RTTN: variants seen among roughly 807,000 people sequenced by gnomAD.
RTTN encodes the protein rotatin.
Under a neutral mutation model 269.2 loss-of-function variants are expected in RTTN, and 182 were observed. The ratio of observed to expected loss-of-function variants is 0.68; its 90% CI spans 0.60 to 0.76. The LOEUF (loss-of-function observed/expected upper bound fraction) is 0.76. Ranked by LOEUF, RTTN falls within the 30% of genes least tolerant of loss-of-function variation. The pLI is 0.00. For missense variants in RTTN, 2,545 were observed against 2,608.6 expected (o/e 0.98, Z 0.53); for synonymous variants, 1,006 against 963.5 (o/e 1.04, Z -0.82).
At chr18:70,139,770 T>C (rs2060211793) in intron 20 of RTTN, 54 bp from the exon 21 acceptor site, 1 of 1,029,040 alleles carries the variant, frequency 9.7e-7, no homozygotes, top group Non-Finnish European at 1.5e-6. Context: ...TCAGGTGAGA[T>C]CAAACAGACC....
chr18:70,197,843 T>C (rs1278749278), intron 5 of RTTN, 105 bp from the exon 6 acceptor site: 3 of 715,046 alleles, frequency 4.2e-6, no homozygotes, highest in Non-Finnish European at 7.3e-6. Context: ...GGGTCTCAGC[T>C]GAGATATCAC....
At chr18:70,203,987 A>G (rs1729164059) in intron 3 of RTTN, 99 bp downstream of exon 3, 1 of 877,700 alleles carries the variant, frequency 1.1e-6, no homozygotes, top group African/African-American at 1.7e-5. Context: ...AGTTTGGGGG[A>G]GGTGGGAGAA....
intron 5 of RTTN, among the ~76,000 whole-genome samples, chr18:70,198,564 G>A (rs755877723): frequency 8.5e-5 from 13 of 152,070 alleles, no homozygotes; most frequent in South Asian, 2.1e-4. Flanking sequence ...CAGATAACTC[G>A]TGTATTGTGG....
chr18:70,128,542 G>A lies in RTTN; in HGVS notation c.2959C>T (p.His987Tyr), dbSNP rs763741561. 1.2e-5 allele frequency: 20 copies of A among 1,610,198 alleles called. No individual in the cohort carries two copies. Among genetic ancestry groups the A allele is most frequent in the Admixed American group, 1.7e-5 (1 of 59,420 alleles). The change falls in exon 24 of 49, where the codon CAT becomes TAT. Residue 987 changes from histidine (H) to tyrosine (Y), a missense_variant. His to Tyr is a moderately conservative substitution (Grantham distance 83). Coordinates refer to ENST00000640769, the MANE Select transcript of RTTN (RefSeq NM_173630.4). ...TGTCCAATTACATGAACAGGTAGATGGTACCTAAAGAAAATGTGTACAAAT... is the reference window on the plus strand; with the variant it reads ...TGTCCAATTACATGAACAGGTAGATAGTACCTAAAGAAAATGTGTACAAAT... ...SLPVSVFRRY[H>Y]LPVHVIGHHA...
At chr18:70,188,085 C>A in intron 10 of RTTN, 23 bp downstream of exon 10, 1 of 1,361,734 alleles carries the variant, frequency 7.3e-7, no homozygotes. Flanking sequence ...TCCCTATATC[C>A]CAAAGAAAAC....
intron 25 of RTTN, among the ~76,000 whole-genome samples, chr18:70,122,447 A>G (rs1158688000): frequency 1.3e-5 from 2 of 152,150 alleles, no homozygotes; most frequent in African/African-American, 4.8e-5. Flanking sequence ...AATAAGAGTG[A>G]CAATAATACG....
At chr18:70,015,676 T>C (rs1467170408) in intron 46 of RTTN, among the ~76,000 whole-genome samples, 1 of 152,172 alleles carries the variant, frequency 6.6e-6, no homozygotes, top group Non-Finnish European at 1.5e-5. Flanking sequence ...TGCTTTAAGC[T>C]AATGAAGGAG....
chr18:70,169,166 CT>C, intron 11 of RTTN, 99 bp from the exon 12 acceptor site: 1 of 820,952 alleles, frequency 1.2e-6, no homozygotes, highest in Non-Finnish European at 1.8e-6. Context: ...ATCCAACTTC[CT>C]TTTTAGCAAT....
Position 70,059,909 on chromosome 18 carries a change from A to C in RTTN, c.4881T>G (p.Ile1627Met). ...AAGCCTTTGCAGTGTCTCTGGGAGC[A>C]ATCGTCAAGAGGTTGTCCAAGAGGC... ...MCSLLDNLLT[I>M]APRDTAKAFR... Residue 1627 changes from isoleucine (I) to methionine (M), a missense_variant, in exon 36 of 49, where the codon ATT becomes ATG. Coordinates refer to ENST00000640769, the MANE Select transcript of RTTN (RefSeq NM_173630.4). The C allele has an allele frequency of 6.2e-7, 1 of 1,613,652 alleles. No homozygotes were observed. The highest frequency in any genetic ancestry group is 1.3e-5 in the African/African-American group (1 of 75,044).
intron 27 of RTTN, among the ~76,000 whole-genome samples, chr18:70,110,238 A>T (rs1368717206): frequency 2.8e-5 from 4 of 142,596 alleles, no homozygotes; most frequent in Admixed American, 1.4e-4. Context: ...TCCCTTTTTA[A>T]AAAAAAAAAA....
intron 46 of RTTN, among the ~76,000 whole-genome samples, chr18:70,016,159 C>CA (rs1463988764): frequency 6.6e-6 from 1 of 152,164 alleles, no homozygotes; most frequent in Non-Finnish European, 1.5e-5. Flanking sequence ...TCATATCTAG[C>CA]AGTTGATTAT....
intron 8 of RTTN, among the ~76,000 whole-genome samples, chr18:70,191,404 G>A (rs970301716): frequency 6.6e-6 from 1 of 152,078 alleles, no homozygotes; most frequent in Non-Finnish European, 1.5e-5. Context: ...AGTTCATACC[G>A]TTTCCTAGAT....
intron 21 of RTTN, chr18:70,138,930 A>G (rs1044974106): frequency 6.6e-6 from 1 of 152,040 alleles, no homozygotes; most frequent in East Asian, 1.9e-4. Context: ...CTCTTGCAAA[A>G]TATCAAAAAG....
chr18:70,109,746 C>T (rs1464227003), intron 27 of RTTN, 29 bp from the exon 28 acceptor site: 1 of 1,586,338 alleles, frequency 6.3e-7, no homozygotes, highest in Non-Finnish European at 8.6e-7. Context: ...GAAAATCAAC[C>T]ACCAAGAAAG....
intron 8 of RTTN, among the ~76,000 whole-genome samples, chr18:70,192,646 G>A (rs2061699731): frequency 1.4e-5 from 2 of 138,374 alleles, no homozygotes; most frequent in South Asian, 2.3e-4. Context: ...CTCCAGCCTA[G>A]GCAAGAGAGT....
chr18:70,077,805 A>C (rs2058466410), intron 32 of RTTN, among the ~76,000 whole-genome samples: 1 of 151,906 alleles, frequency 6.6e-6, no homozygotes. Context: ...ATCATGGTAA[A>C]AATTATTTAG....
chr18:70,071,201 T>C (rs1319510908), intron 34 of RTTN, among the ~76,000 whole-genome samples: 1 of 152,122 alleles, frequency 6.6e-6, no homozygotes, highest in Non-Finnish European at 1.5e-5. Flanking sequence ...TTTTGCAAAA[T>C]AGTAACAATG....
At chr18:70,092,054 C>T (rs956226364) in intron 30 of RTTN, 56 bp downstream of exon 30, 35 of 1,134,902 alleles carry the variant, frequency 3.1e-5, no homozygotes, top group Non-Finnish European at 4.0e-5. Flanking sequence ...CACCTGGCCC[C>T]GTGTCATTTG....
intron 40 of RTTN, among the ~76,000 whole-genome samples, chr18:70,040,292 T>C (rs1008209002): frequency 4.5e-5 from 4 of 88,844 alleles, no homozygotes; most frequent in African/African-American, 1.1e-4. Flanking sequence ...AGACATTCCA[T>C]GCCAATGAAA....
Sources: gnomAD v4.1 joint callset for allele counts (sites outside exome capture counted in the v4.1 genomes callset) on GRCh38, gnomAD v4.1.1 for gene constraint, MANE v1.5 for transcripts, NCBI Gene and HGNC (gene_info 2026-07-23, HGNC 2026-07-21) for gene names.